Variants in CD180 observed in about 807,000 individuals in gnomAD.
The protein encoded by CD180 is CD180 antigen.
Under a neutral mutation model 10.7 loss-of-function variants are expected in CD180, and 11 were observed. The ratio of observed to expected loss-of-function variants is 1.03; its 90% CI spans 0.65 to 1.70. CD180 has a LOEUF of 1.70. Ranked by LOEUF, CD180 falls within the 40% of genes most tolerant of loss-of-function variation. The pLI, the probability that CD180 is intolerant of heterozygous loss-of-function variation, is 0.00. For missense variants in CD180, 729 were observed against 775.2 expected, an observed-to-expected ratio of 0.94 and a Z score of 0.71; for synonymous variants, 286 against 294.6, an observed-to-expected ratio of 0.97 and a Z score of 0.30.
chr5:67,185,737 A>G, intron 2 of CD180, 114 bp downstream of exon 2: 1 of 631,742 alleles, frequency 1.6e-6, no homozygotes, highest in Non-Finnish European at 2.5e-6. Context: ...ATAAACATGT[A>G]GTATAAGCAG....
At chr5:67,195,640 A>C (rs1742386325) in intron 1 of CD180, among the ~76,000 whole-genome samples, 1 of 152,168 alleles carries the variant, frequency 6.6e-6, no homozygotes, top group Non-Finnish European at 1.5e-5. Flanking sequence ...CCAGACCAAC[A>C]AGGCTCTGCT....
At position 67,183,471 on chromosome 5, in the gene CD180, C is replaced by G. The variant is rs760217507; in HGVS notation, c.1372G>C (p.Asp458His). ...QVLNLTYCFLDTSNQHLLAGL... is the reference protein window; with the variant it reads ...QVLNLTYCFLHTSNQHLLAGL... ...GCTAGAAGATGCTGATTGCTGGTATCAAGGAAGCAGTAAGTGAGATTCAGA... is the reference window on the plus strand; with the variant it reads ...GCTAGAAGATGCTGATTGCTGGTATGAAGGAAGCAGTAAGTGAGATTCAGA... Residue 458 changes from aspartate (D) to histidine (H), a missense_variant, in exon 3 of 3, where the codon GAT (aspartate) becomes CAT (histidine). Coordinates refer to ENST00000256447, the MANE Select transcript of CD180 (RefSeq NM_005582.3). The G allele has an allele frequency of 1.1e-5, 17 of 1,614,158 alleles. No homozygotes were observed. The highest frequency in any genetic ancestry group is 1.4e-5 in the Non-Finnish European group (17 of 1,180,022).
intron 2 of CD180, among the ~76,000 whole-genome samples, chr5:67,184,827 T>G (rs1421518531): frequency 6.6e-6 from 1 of 152,178 alleles, no homozygotes. Context: ...GGTTTGTGCC[T>G]GTATTCTAAG....
At chr5:67,186,441 G>A (rs916687500) in intron 1 of CD180, 1 of 152,216 alleles carries the variant, frequency 6.6e-6, no homozygotes, top group African/African-American at 2.4e-5. Context: ...GTGTAAGAAA[G>A]GTGTGTGTGA....
At chr5:67,186,688 T>C (rs1742200708) in intron 1 of CD180, among the ~76,000 whole-genome samples, 1 of 152,210 alleles carries the variant, frequency 6.6e-6, no homozygotes. Flanking sequence ...TACTTTCGTA[T>C]GTGAGACAAT....
chr5:67,185,859 AT>A lies in CD180; in HGVS notation c.248del (p.Asp83ValfsTer2), dbSNP rs775151211. The A allele has an allele frequency of 1.3e-6, 2 of 1,597,002 alleles. No individual in the cohort carries two copies. The highest frequency in any genetic ancestry group is 4.5e-5 in the East Asian group (2 of 44,498). ...ATAACTCAGATACATACCTAGTTAAATCCAAAAAGGTAAGATTCATGAGTCT... is the reference window on the plus strand; with the variant it reads ...ATAACTCAGATACATACCTAGTTAAACCAAAAAGGTAAGATTCATGAGTCT... ...FSRLMNLTFL[D>X]LTRCQINWIH... On this transcript the variant is annotated frameshift_variant, in exon 2 of 3. Transcript: ENST00000256447. LOFTEE classifies it low-confidence loss of function (END_TRUNC).
rs746090156 is a variant in CD180, at chr5:67,183,418, G to A, written c.1425C>T (p.Asn475=). Residue 475 remains asparagine (N), a synonymous_variant, in exon 3 of 3, where the codon AAC becomes AAT. Transcript: ENST00000256447. ...CATCTTGAAAGTGATTCCCTTTTAAGTTGAGATGCCGGAGAACTGGTAGGC... is the reference window on the plus strand; with the variant it reads ...CATCTTGAAAGTGATTCCCTTTTAAATTGAGATGCCGGAGAACTGGTAGGC... ...LAGLPVLRHL[N]LKGNHFQDGT... The A allele has an allele frequency of 1.3e-5, 21 of 1,614,098 alleles. No individual in the cohort carries two copies. Among genetic ancestry groups the A allele is most frequent in the Non-Finnish European group, 2.5e-6 (3 of 1,180,036 alleles).
Position 67,181,032 on chromosome 5 carries a change from C to G in CD180, c.*1825G>C, listed in dbSNP as rs1742038508. 6.8e-6 allele frequency: 1 copy of G among 146,998 alleles called. No homozygotes were observed. The highest frequency in any genetic ancestry group is 2.6e-5 in the African/African-American group (1 of 38,856). 9.1% of individuals were successfully genotyped at this position (146,998 alleles called of 1,614,324 possible). A position where few individuals can be genotyped will look rare whatever the true frequency, so the allele number is the denominator to read the frequency against. The stretch of plus-strand genomic sequence containing the variant: ...AATTATATATATATATACACACACA[C>G]ATACACACACATACACACACACACA... On this transcript the variant is annotated 3_prime_UTR_variant, in exon 3 of 3. Transcript: ENST00000256447.
At chr5:67,184,675 G>T in intron 2 of CD180, 90 bp from the exon 3 acceptor site, 1 of 1,085,146 alleles carries the variant, frequency 9.2e-7, no homozygotes, top group Non-Finnish European at 1.3e-6. Context: ...GTCATCTTTT[G>T]TATCATTCAA....
Position 67,184,209 on chromosome 5 carries a change from T to C in CD180, c.634A>G (p.Lys212Glu). ...LSLNFNGNNV[K>E]GIELGAFDST... is the part of the protein sequence containing the mutation. ...TCAAAAGCCCCAAGCTCAATACCTT[T>C]AACATTATTGCCATTGAAGTTCAGG... The change falls in exon 3 of 3, where the codon AAA (lysine) becomes GAA (glutamate). Residue 212 changes from lysine (K) to glutamate (E), a missense_variant. By Grantham distance (56) the Lys-to-Glu change is moderately conservative. Transcript: ENST00000256447. 1 of 1,614,176 alleles carries C rather than the reference T, an allele frequency of 6.2e-7. No individual in the cohort carries two copies. Among genetic ancestry groups the C allele is most frequent in the Non-Finnish European group, 8.5e-7 (1 of 1,180,030 alleles).
intron 1 of CD180, among the ~76,000 whole-genome samples, chr5:67,193,597 C>T (rs1218818200): frequency 6.6e-6 from 1 of 152,202 alleles, no homozygotes; most frequent in Non-Finnish European, 1.5e-5. Context: ...GAATAGCTGA[C>T]AAGGTCATTT....
At position 67,183,585 on chromosome 5, in the gene CD180, G is replaced by A. The variant is rs1742107613; in HGVS notation, c.1258C>T (p.Pro420Ser). 6 of 1,614,174 alleles carry A rather than the reference G, an allele frequency of 3.7e-6. No homozygotes were observed. The African/African-American group carries it at 4.0e-5, about 11-fold the overall frequency. The change falls in exon 3 of 3, where the codon CCT (proline) becomes TCT (serine). Residue 420 changes from proline to serine, a missense_variant. Coordinates refer to ENST00000256447, the MANE Select transcript of CD180 (RefSeq NM_005582.3). The part of the protein sequence containing the change: ...GLQSQAFKEC[P>S]QLELLDLAFT... ...GCCAAATCGAGGAGTTCTAGCTGAG[G>A]ACATTCTTTGAATGCCTGACTCTGG...
chr5:67,188,642 C>T (rs1252698379), intron 1 of CD180, among the ~76,000 whole-genome samples: 1 of 152,214 alleles, frequency 6.6e-6, no homozygotes, highest in Non-Finnish European at 1.5e-5. Flanking sequence ...GAACTGCACA[C>T]ATCTTGCTTT....
chr5:67,196,436 A>T, intron 1 of CD180, 116 bp downstream of exon 1: 1 of 927,408 alleles, frequency 1.1e-6, no homozygotes, highest in Non-Finnish European at 1.7e-6. Context: ...TATACACCTT[A>T]TTTCCTTTTT....
In CD180 at chr5:67,183,865, T is replaced by A. The variant is rs1187372832; in HGVS notation, c.978A>T (p.Leu326Phe). Residue 326 changes from leucine to phenylalanine, a missense_variant, in exon 3 of 3, where the codon TTA becomes TTT. Transcript: ENST00000256447. ...GATCGAAATGATTTACACTGAGAACTAATTTCTTGAGCAAGTTCAGACCCT... is the reference window on the plus strand; with the variant it reads ...GATCGAAATGATTTACACTGAGAACAAATTTCTTGAGCAAGTTCAGACCCT... ...GMKGLNLLKK[L>F]VLSVNHFDQL... The A allele has an allele frequency of 2.5e-6, 4 of 1,614,234 alleles. No individual in the cohort carries two copies. Among genetic ancestry groups the A allele is most frequent in the Admixed American group, 3.3e-5 (2 of 60,036 alleles).
At chr5:67,194,291 C>T (rs1340522264) in intron 1 of CD180, among the ~76,000 whole-genome samples, 3 of 152,170 alleles carry the variant, frequency 2.0e-5, no homozygotes, top group Non-Finnish European at 2.9e-5. Context: ...ATAGTTACTC[C>T]TTACTGTTCA....
chr5:67,193,812 G>T (rs1742351467), intron 1 of CD180, among the ~76,000 whole-genome samples: 1 of 152,188 alleles, frequency 6.6e-6, no homozygotes. Context: ...GGGGCCTCCC[G>T]CTGATGCAAG....
rs1212814816 is a variant in CD180 at position 67,183,850 on chromosome 5, A to G, written c.993T>C (p.Asn331=). The G allele has an allele frequency of 6.2e-7, 1 of 1,614,198 alleles. No individual in the cohort carries two copies. Among genetic ancestry groups the G allele is most frequent in the Admixed American group, 1.7e-5 (1 of 60,032 alleles). ...NLLKKLVLSV[N]HFDQLCQISA... ...TGATTTGACACAATTGATCGAAATG[A>G]TTTACACTGAGAACTAATTTCTTGA... is the stretch of plus-strand genomic sequence containing the variant. The change falls in exon 3 of 3, where the codon AAT becomes AAC. Residue 331 remains asparagine, a synonymous_variant. Transcript: ENST00000256447.
In CD180 at chr5:67,184,063, G is replaced by A. The variant is rs181301898; in HGVS notation, c.780C>T (p.Asp260=). 6.1e-5 allele frequency: 98 copies of A among 1,614,112 alleles called. 3 individuals carry two copies. The Middle Eastern group carries it at 7.1e-3, about 117-fold the overall frequency. ...TGAGCATGGCTGAACTAATATCTTC[G>A]TCATCAATGTCCTCAAATGTTCCCA... The part of the protein sequence containing the change: ...LWLGTFEDID[D]EDISSAMLKG... The change falls in exon 3 of 3, where the codon GAC becomes GAT. Residue 260 remains aspartate, a synonymous_variant. Transcript: ENST00000256447.
Sources: gnomAD v4.1 joint callset for allele counts (sites outside exome capture counted in the v4.1 genomes callset) on GRCh38, gnomAD v4.1.1 for gene constraint, MANE v1.5 for transcripts, NCBI Gene and HGNC (gene_info 2026-07-23, HGNC 2026-07-21) for gene names.